TNR: variants seen among roughly 807,000 people sequenced by gnomAD.
The protein encoded by TNR is tenascin-R.
TNR carries 45 observed loss-of-function variants against 150.4 expected under a neutral mutation model. The observed-to-expected ratio is 0.30, with a 90% CI of 0.24 to 0.38. The LOEUF (loss-of-function observed/expected upper bound fraction) is 0.38. Among genes scored for constraint, TNR ranks in the 10% least tolerant of loss-of-function variants. TNR has a pLI of 1.00. For synonymous variants in TNR, 687 were observed against 678.4 expected (o/e 1.01, Z -0.20); for missense variants, 1,544 against 1,759.1 (o/e 0.88, Z 2.19).
chr1:175,578,546 C>T (rs73048391), intron 1 of TNR, among the ~76,000 whole-genome samples: 2 of 151,920 alleles, frequency 1.3e-5, no homozygotes, highest in Non-Finnish European at 1.5e-5. Context: ...TTACCTAGAT[C>T]GATGCAGGAA....
At chr1:175,359,780 G>A (rs943977887) in intron 14 of TNR, 49 bp from the exon 15 acceptor site, 5 of 1,557,884 alleles carry the variant, frequency 3.2e-6, no homozygotes, top group African/African-American at 1.4e-5. Flanking sequence ...CTGCAGGATA[G>A]AAATGCAGGG....
At chr1:175,517,067 G>C (rs1380380014) in intron 2 of TNR, among the ~76,000 whole-genome samples, 2 of 148,854 alleles carry the variant, frequency 1.3e-5, no homozygotes, top group Admixed American at 6.7e-5. Context: ...GAAAGAGAGA[G>C]AGACCTTCAA....
chr1:175,737,364 T>C (rs1667799836), intron 1 of TNR, among the ~76,000 whole-genome samples: 1 of 152,208 alleles, frequency 6.6e-6, no homozygotes, highest in African/African-American at 2.4e-5. Context: ...TCATTAATAG[T>C]CATGACAGAA....
intron 1 of TNR, among the ~76,000 whole-genome samples, chr1:175,590,176 C>G (rs1443994446): frequency 1.3e-5 from 2 of 151,816 alleles, no homozygotes; most frequent in Admixed American, 1.3e-4. Context: ...ATCCTCTTAT[C>G]AAAAAAGAAA....
chr1:175,566,466 C>T (rs936277640), intron 1 of TNR, among the ~76,000 whole-genome samples: 6 of 152,142 alleles, frequency 3.9e-5, no homozygotes, highest in East Asian at 1.9e-4. Context: ...GCACATGGGC[C>T]CTGAGTAGAA....
At chr1:175,384,145 GA>G (rs1354989416) in intron 8 of TNR, among the ~76,000 whole-genome samples, 2 of 152,190 alleles carry the variant, frequency 1.3e-5, no homozygotes, top group African/African-American at 4.8e-5. Context: ...CTTCTTATCA[GA>G]GCAGAGCACA....
At chr1:175,642,279 T>C (rs1286298323) in intron 1 of TNR, among the ~76,000 whole-genome samples, 1 of 151,802 alleles carries the variant, frequency 6.6e-6, no homozygotes, top group Non-Finnish European at 1.5e-5. Flanking sequence ...GTGTTTGTGG[T>C]GGGGGAGAAA....
intron 1 of TNR, among the ~76,000 whole-genome samples, chr1:175,636,324 A>C (rs1664490672): frequency 6.6e-6 from 1 of 152,178 alleles, no homozygotes; most frequent in Admixed American, 6.5e-5. Context: ...ACATATAAGC[A>C]CATTTAAGTT....
At chr1:175,548,374 GT>G (rs1288562433) in intron 1 of TNR, among the ~76,000 whole-genome samples, 1 of 152,136 alleles carries the variant, frequency 6.6e-6, no homozygotes, top group Non-Finnish European at 1.5e-5. Flanking sequence ...ACTCTATCTA[GT>G]AGCTGCACGA....
At chr1:175,741,074 G>A (rs1028976379) in intron 1 of TNR, among the ~76,000 whole-genome samples, 6 of 152,188 alleles carry the variant, frequency 3.9e-5, no homozygotes, top group African/African-American at 1.4e-4. Context: ...TGAGACTTCT[G>A]GCTGATTCTC....
At chr1:175,471,642 T>C (rs1489999063) in intron 2 of TNR, among the ~76,000 whole-genome samples, 2 of 152,322 alleles carry the variant, frequency 1.3e-5, no homozygotes, top group East Asian at 1.9e-4. Flanking sequence ...GAGTGTAAGC[T>C]GCTCTGGGTG....
intron 1 of TNR, among the ~76,000 whole-genome samples, chr1:175,574,760 C>T (rs1662033728): frequency 6.6e-6 from 1 of 152,198 alleles, no homozygotes; most frequent in Admixed American, 6.5e-5. Flanking sequence ...GACTGCAAAG[C>T]AGTGAAGGCA....
chr1:175,324,116 A>T (rs936309096), intron 22 of TNR, among the ~76,000 whole-genome samples: 5 of 151,962 alleles, frequency 3.3e-5, no homozygotes, highest in Non-Finnish European at 7.4e-5. Flanking sequence ...TCTTCATGGG[A>T]TCTTCTGGAT....
chr1:175,471,966 T>C (rs1441284937), intron 2 of TNR, among the ~76,000 whole-genome samples: 1 of 152,154 alleles, frequency 6.6e-6, no homozygotes, highest in Non-Finnish European at 1.5e-5. Flanking sequence ...TTTTGAACTT[T>C]TTTTGTTAAA....
chr1:175,717,099 C>A (rs1667176971), intron 1 of TNR, among the ~76,000 whole-genome samples: 1 of 152,172 alleles, frequency 6.6e-6, no homozygotes. Flanking sequence ...CTAAATGCCA[C>A]CTCCTTGAAA....
Position 175,503,142 on chromosome 1 carries a change from G to C in TNR, c.-64+25127C>G, listed in dbSNP as rs535393595. Among the ~76,000 whole-genome samples, 6 of 152,314 alleles carry C rather than the reference G, an allele frequency of 3.9e-5. No individual in the cohort carries two copies. In the East Asian group the frequency reaches 1.2e-3, roughly 29 times the overall value. On this transcript the variant is annotated intron_variant, in intron 2 of 22. Coordinates refer to ENST00000367674, the MANE Select transcript of TNR (RefSeq NM_003285.3). ...ACAGCCAGTACACGTTGCTGAGGAT[G>C]ACTGGGAGACCAGAGGACCCATGGC...
chr1:175,547,564 G>GGAAAGAAAGAAA (rs61602065), intron 1 of TNR, among the ~76,000 whole-genome samples: 424 of 131,070 alleles, frequency 3.2e-3, no homozygotes, highest in Middle Eastern at 0.011. Flanking sequence ...AAAGATAGAA[G>GGAAAGAAAGAAA]GAAAGAAAGA....
chr1:175,388,758 T>C (rs1476424513), intron 7 of TNR, among the ~76,000 whole-genome samples: 1 of 152,246 alleles, frequency 6.6e-6, no homozygotes, highest in Non-Finnish European at 1.5e-5. Flanking sequence ...CTGTAGATGA[T>C]GCCAAAATAT....
intron 2 of TNR, among the ~76,000 whole-genome samples, chr1:175,492,558 A>G (rs987558142): frequency 6.6e-6 from 1 of 152,184 alleles, no homozygotes; most frequent in South Asian, 2.1e-4. Context: ...CAGAGTTCCC[A>G]TCCCCAAAGG....
Sources: allele counts gnomAD v4.1 joint callset (sites outside exome capture counted in the v4.1 genomes callset), GRCh38; gene constraint gnomAD v4.1.1; transcripts MANE v1.5; gene names NCBI Gene and HGNC (gene_info 2026-07-23, HGNC 2026-07-21).